Variants in MRTFB observed in about 807,000 individuals in gnomAD.
MRTFB encodes myocardin-related transcription factor B.
A neutral mutation model predicts 104.2 loss-of-function variants in MRTFB; 29 were observed. The ratio of observed to expected loss-of-function variants is 0.28; its 90% CI spans 0.21 to 0.38. The LOEUF (loss-of-function observed/expected upper bound fraction) is 0.38, where lower values mean the gene tolerates loss of function less well. MRTFB is among the 10% of genes least tolerant of loss of function. The pLI is 1.00. For missense variants in MRTFB, 1,270 were observed against 1,341.6 expected, an observed-to-expected ratio of 0.95 and a Z score of 0.83; for synonymous variants, 535 against 519.5, an observed-to-expected ratio of 1.03 and a Z score of -0.41.
chr16:14,040,548 C>T, the MRTFB span, among the ~76,000 whole-genome samples: 10 of 152,026 alleles, frequency 6.6e-5, no homozygotes, highest in African/African-American at 2.4e-4. Flanking sequence ...CTCCAACCTC[C>T]GCCTCCCTGG....
rs2041463279 is a variant in MRTFB, at chr16:14,217,136, A to G, written c.363A>G (p.Ala121=). 2 of 1,606,856 alleles carry G rather than the reference A, an allele frequency of 1.2e-6. No homozygotes were observed. Among genetic ancestry groups the G allele is most frequent in the Non-Finnish European group, 1.7e-6 (2 of 1,177,926 alleles). Residue 121 remains alanine, a synonymous_variant, in exon 7 of 17, where the codon GCA becomes GCG. Transcript: ENST00000571589. ...VRMHILEETF[A]EPSLQATQMK... is the part of the protein sequence containing the mutation. ...TGTTTCCTCTTTTAGAAACATTTGC[A>G]GAGCCATCCCTGCAGGCTACTCAGA...
At chr16:14,130,242 A>G (rs7194760) in intron 2 of MRTFB, among the ~76,000 whole-genome samples, 22,933 of 152,172 alleles carry the variant, frequency 0.15, 4,224 homozygotes, top group African/African-American at 0.44. Context: ...GCAAAATGCC[A>G]CAGAATCCTT....
chr16:14,074,969 T>C (rs1486056984), intron 1 of MRTFB, among the ~76,000 whole-genome samples: 3 of 152,252 alleles, frequency 2.0e-5, no homozygotes, highest in African/African-American at 4.8e-5. Flanking sequence ...GAGGTAAAGT[T>C]AATCAGATAA....
At chr16:14,046,960 GT>G in the MRTFB span, among the ~76,000 whole-genome samples, 520 of 152,280 alleles carry the variant, frequency 3.4e-3, 1 homozygote, top group African/African-American at 0.012. Flanking sequence ...CTATTTACAT[GT>G]AAGGGAACTA....
At chr16:14,228,956 GTAT>G (rs1421451143) in intron 8 of MRTFB, among the ~76,000 whole-genome samples, 4 of 152,160 alleles carry the variant, frequency 2.6e-5, no homozygotes, top group Non-Finnish European at 5.9e-5. Flanking sequence ...TGGGTATAGT[GTAT>G]TGCTTGGGAA....
chr16:14,035,284 G>T, the MRTFB span, among the ~76,000 whole-genome samples: 3 of 152,136 alleles, frequency 2.0e-5, no homozygotes, highest in East Asian at 1.9e-4. Flanking sequence ...CAACAGAGAG[G>T]CACAGCCAGG....
At chr16:14,100,342 G>A (rs759421011) in intron 2 of MRTFB, among the ~76,000 whole-genome samples, 11 of 152,160 alleles carry the variant, frequency 7.2e-5, no homozygotes, top group Non-Finnish European at 1.3e-4. Context: ...ATATTTTTGA[G>A]CATCTATTGA....
chr16:14,233,577 C>T (rs2042358363), intron 8 of MRTFB, among the ~76,000 whole-genome samples: 1 of 151,984 alleles, frequency 6.6e-6, no homozygotes, highest in Non-Finnish European at 1.5e-5. Flanking sequence ...CACTTGAGGT[C>T]AGGAGTTCAA....
chr16:14,023,608 C>CATAT, the MRTFB span, among the ~76,000 whole-genome samples: 22,946 of 69,416 alleles, frequency 0.33, 2,128 homozygotes, highest in Admixed American at 0.39. Context: ...CACACACACA[C>CATAT]ACATACATAT....
At chr16:14,115,693 C>T (rs924378447) in intron 2 of MRTFB, among the ~76,000 whole-genome samples, 9 of 152,202 alleles carry the variant, frequency 5.9e-5, no homozygotes, top group African/African-American at 2.2e-4. Flanking sequence ...AAATGCACTA[C>T]AAATAGCCTC....
chr16:14,192,220 A>T (rs1395720820), intron 3 of MRTFB, among the ~76,000 whole-genome samples: 1 of 152,042 alleles, frequency 6.6e-6, no homozygotes, highest in Non-Finnish European at 1.5e-5. Context: ...AAAAAAAAAA[A>T]AATAAGCCAG....
chr16:14,069,317 A>G (rs1023396659), upstream of MRTFB, among the ~76,000 whole-genome samples: 10 of 152,084 alleles, frequency 6.6e-5, no homozygotes, highest in African/African-American at 2.2e-4. Flanking sequence ...GTGGCTCCCA[A>G]GTTCTCAGGC....
chr16:14,087,137 G>A (rs889557447), intron 2 of MRTFB, among the ~76,000 whole-genome samples: 14 of 152,164 alleles, frequency 9.2e-5, no homozygotes, highest in Admixed American at 7.9e-4. Context: ...CCCTAGCAAA[G>A]CCAACACTCG....
intron 16 of MRTFB, among the ~76,000 whole-genome samples, chr16:14,259,039 T>G (rs886963766): frequency 2.0e-5 from 3 of 152,206 alleles, no homozygotes; most frequent in Non-Finnish European, 2.9e-5. Flanking sequence ...GCAGGTATTA[T>G]TTGACACTGA....
At chr16:14,101,507 G>A (rs1399574448) in intron 2 of MRTFB, among the ~76,000 whole-genome samples, 1 of 152,178 alleles carries the variant, frequency 6.6e-6, no homozygotes, top group Non-Finnish European at 1.5e-5. Context: ...CTTGGTTGCT[G>A]TATTGTGAAA....
At chr16:14,196,964 C>CTTTTT (rs35259229) in intron 3 of MRTFB, among the ~76,000 whole-genome samples, 50 of 103,168 alleles carry the variant, frequency 4.8e-4, no homozygotes, top group South Asian at 7.0e-4. Flanking sequence ...TCTCTTTTTT[C>CTTTTT]TTTTTTTTTT....
intron 3 of MRTFB, among the ~76,000 whole-genome samples, chr16:14,203,542 G>A (rs1406069448): frequency 6.6e-6 from 1 of 151,968 alleles, no homozygotes; most frequent in Non-Finnish European, 1.5e-5. Context: ...ATCATATTAA[G>A]ACAACATTTC....
chr16:14,058,767 G>A, the MRTFB span, among the ~76,000 whole-genome samples: 1 of 127,714 alleles, frequency 7.8e-6, no homozygotes, highest in African/African-American at 3.0e-5. Context: ...CGCCCAGGCT[G>A]GAGTGCAGTG....
At chr16:14,062,868 G>A in the MRTFB span, among the ~76,000 whole-genome samples, 11 of 152,106 alleles carry the variant, frequency 7.2e-5, no homozygotes, top group East Asian at 1.2e-3. Context: ...CCGTCAGCAC[G>A]GGGCCCACTA....
Sources: gnomAD v4.1 joint callset for allele counts (sites outside exome capture counted in the v4.1 genomes callset) on GRCh38, gnomAD v4.1.1 for gene constraint, MANE v1.5 for transcripts, NCBI Gene and HGNC (gene_info 2026-07-23, HGNC 2026-07-21) for gene names.